PDE10A: variants seen among roughly 807,000 people sequenced by gnomAD.
PDE10A encodes the protein cAMP and cAMP-inhibited cGMP 3',5'-cyclic phosphodiesterase 10A.
A neutral mutation model predicts 97.7 loss-of-function variants in PDE10A; 39 were observed. That is an observed-to-expected ratio of 0.40 (90% confidence interval 0.31 to 0.52). PDE10A has a LOEUF of 0.52. PDE10A is among the 20% of genes least tolerant of loss of function. PDE10A has a pLI of 0.56. For missense variants in PDE10A, 731 were observed against 1,047.8 expected (o/e 0.70, Z 4.17); for synonymous variants, 371 against 376.8 (o/e 0.98, Z 0.18).
chr6:165,798,525 G>A (rs1778888165), intron 1 of PDE10A, among the ~76,000 whole-genome samples: 1 of 152,110 alleles, frequency 6.6e-6, no homozygotes, highest in African/African-American at 2.4e-5. Flanking sequence ...ATTGTCCAAA[G>A]TTTTAAAATA....
chr6:165,433,235 C>G (rs1449234813), intron 6 of PDE10A, 106 bp from the exon 7 acceptor site: 2 of 767,154 alleles, frequency 2.6e-6, no homozygotes, highest in African/African-American at 3.5e-5. Context: ...CAATAATAAG[C>G]AGTACTTTTC....
chr6:165,619,392 G>GTCTAGTGTAC (rs1562634661), intron 1 of PDE10A, among the ~76,000 whole-genome samples: 5 of 49,692 alleles, frequency 1.0e-4, no homozygotes, highest in Non-Finnish European at 9.5e-5. Context: ...GTCTAGTATA[G>GTCTAGTGTAC]TGTAGTGTAG....
intron 3 of PDE10A, among the ~76,000 whole-genome samples, chr6:165,473,608 G>A (rs1779135440): frequency 7.7e-6 from 1 of 130,232 alleles, no homozygotes; most frequent in Non-Finnish European, 1.6e-5. Flanking sequence ...CAAGGTTACA[G>A]CTGACAATTA....
rs567932248 is a variant in PDE10A at position 165,331,179 on chromosome 6, T to C, written c.*1846A>G. ...TACATACATGAGTGTGTATCCTATA[T>C]ACATCTATGTGTGTGTTCTACATAT... On this transcript the variant is annotated 3_prime_UTR_variant, in exon 22 of 22. Transcript: ENST00000539869. 1 of 152,332 alleles carries C rather than the reference T, an allele frequency of 6.6e-6. No homozygotes were observed. The highest frequency in any genetic ancestry group is 2.1e-4 in the South Asian group (1 of 4,828). The allele number at this position is 152,332 out of a possible 1,614,324, so 9.4% of individuals were successfully genotyped here.
At chr6:165,409,559 G>T (rs1787553225) in intron 13 of PDE10A, 1 of 161,968 alleles carries the variant, frequency 6.2e-6, no homozygotes, top group Non-Finnish European at 1.3e-5. Flanking sequence ...AGAAAGAAAA[G>T]GTGTCTACAG....
intron 1 of PDE10A, among the ~76,000 whole-genome samples, chr6:165,714,550 G>A (rs932747789): frequency 1.3e-5 from 2 of 152,254 alleles, no homozygotes; most frequent in African/African-American, 4.8e-5. Flanking sequence ...CAGGGGCTGG[G>A]CTGGGGCAGC....
At chr6:165,465,564 T>C (rs1176686946) in intron 3 of PDE10A, among the ~76,000 whole-genome samples, 1 of 152,158 alleles carries the variant, frequency 6.6e-6, no homozygotes, top group African/African-American at 2.4e-5. Context: ...CTAGCTAATT[T>C]ATAAAGAAAA....
intron 1 of PDE10A, among the ~76,000 whole-genome samples, chr6:165,790,590 A>T (rs1427397319): frequency 6.6e-6 from 1 of 152,226 alleles, no homozygotes; most frequent in East Asian, 1.9e-4. Context: ...TTGCCCAGAG[A>T]CATGGCTCAT....
intron 1 of PDE10A, among the ~76,000 whole-genome samples, chr6:165,943,327 G>GAAAGAA (rs1783639864): frequency 4.1e-5 from 3 of 72,642 alleles, no homozygotes; most frequent in African/African-American, 1.4e-4. Flanking sequence ...AGGAAAGAAA[G>GAAAGAA]AAAAAGAAAG....
chr6:165,507,755 T>A (rs1473828295), intron 2 of PDE10A, among the ~76,000 whole-genome samples: 1 of 152,064 alleles, frequency 6.6e-6, no homozygotes, highest in Admixed American at 6.6e-5. Flanking sequence ...CCTATTGTTT[T>A]GGGGGCTTTC....
At chr6:165,860,941 T>C (rs1780884937) in intron 1 of PDE10A, among the ~76,000 whole-genome samples, 2 of 152,200 alleles carry the variant, frequency 1.3e-5, no homozygotes, top group African/African-American at 4.8e-5. Flanking sequence ...ACATCACAGG[T>C]CAGAGTCCTG....
intron 1 of PDE10A, among the ~76,000 whole-genome samples, chr6:165,834,080 G>C (rs1391876674): frequency 6.6e-6 from 1 of 152,316 alleles, no homozygotes. Context: ...AGGGGCTCAC[G>C]GAGGGTGAGC....
At chr6:165,864,354 C>T (rs1432228607) in intron 1 of PDE10A, among the ~76,000 whole-genome samples, 2 of 152,110 alleles carry the variant, frequency 1.3e-5, no homozygotes, top group East Asian at 3.8e-4. Context: ...TAAAGGAACC[C>T]TGAAAAACAT....
At chr6:165,596,189 C>T (rs1002621901) in intron 1 of PDE10A, among the ~76,000 whole-genome samples, 5 of 152,132 alleles carry the variant, frequency 3.3e-5, no homozygotes, top group Admixed American at 2.0e-4. Flanking sequence ...TCTTTCTCTC[C>T]CACCTTATAG....
intron 15 of PDE10A, among the ~76,000 whole-genome samples, 170 bp downstream of exon 15, chr6:165,395,011 T>C (rs1369626435): frequency 1.3e-5 from 2 of 152,228 alleles, no homozygotes; most frequent in African/African-American, 4.8e-5. Flanking sequence ...TGCATATTTG[T>C]ATAATAATCT....
intron 1 of PDE10A, among the ~76,000 whole-genome samples, chr6:165,825,693 ACT>A (rs1183117342): frequency 1.3e-5 from 2 of 152,030 alleles, no homozygotes; most frequent in African/African-American, 4.8e-5. Context: ...TCGGTGCCTG[ACT>A]CCAGCCATGG....
At chr6:165,982,041 C>A (rs572991223) in intron 1 of PDE10A, among the ~76,000 whole-genome samples, 2 of 152,160 alleles carry the variant, frequency 1.3e-5, no homozygotes, top group Admixed American at 6.5e-5. Context: ...TCTCCCAATG[C>A]TAACTACCCA....
chr6:165,974,027 A>T (rs1467193556), intron 1 of PDE10A, among the ~76,000 whole-genome samples: 1 of 152,228 alleles, frequency 6.6e-6, no homozygotes, highest in East Asian at 1.9e-4. Context: ...AAATTATTAA[A>T]TTCACGTTAA....
chr6:165,516,167 G>C (rs1304214483), intron 2 of PDE10A, among the ~76,000 whole-genome samples: 1 of 152,030 alleles, frequency 6.6e-6, no homozygotes, highest in Non-Finnish European at 1.5e-5. Flanking sequence ...TCTCTCACCT[G>C]GTCAAGGCCA....
Sources: allele counts gnomAD v4.1 joint callset (sites outside exome capture counted in the v4.1 genomes callset), GRCh38; gene constraint gnomAD v4.1.1; transcripts MANE v1.5; gene names NCBI Gene and HGNC (gene_info 2026-07-23, HGNC 2026-07-21).